The following STX8 variants were observed in gnomAD, a reference collection of about 807,000 sequenced individuals.
STX8 encodes syntaxin 8.
A neutral mutation model predicts 37.5 loss-of-function variants in STX8; 23 were observed. The observed-to-expected ratio is 0.61, with a 90% CI of 0.44 to 0.87. STX8 has a LOEUF of 0.87. Among genes scored for constraint, STX8 ranks in the 40% least tolerant of loss-of-function variants. The pLI, the probability that STX8 is intolerant of heterozygous loss-of-function variation, is 0.00. For synonymous variants in STX8, 115 were observed against 99.1 expected (o/e 1.16, Z -0.95); for missense variants, 313 against 284.7 (o/e 1.10, Z -0.71).
chr17:9,425,145 C>T (rs926979190), intron 6 of STX8, among the ~76,000 whole-genome samples: 3 of 152,146 alleles, frequency 2.0e-5, no homozygotes, highest in African/African-American at 7.2e-5. Context: ...AAATAATGAG[C>T]AAATCTGGCC....
At chr17:9,462,122 T>C (rs1347142672) in intron 6 of STX8, among the ~76,000 whole-genome samples, 2 of 152,128 alleles carry the variant, frequency 1.3e-5, no homozygotes. Context: ...TACTGGTCCA[T>C]GGCCAGGAGT....
intron 6 of STX8, among the ~76,000 whole-genome samples, chr17:9,446,058 G>C (rs547677054): frequency 6.6e-6 from 1 of 151,992 alleles, no homozygotes; most frequent in Non-Finnish European, 1.5e-5. Flanking sequence ...GGATGGTCTC[G>C]ATCTCCTGGC....
intron 6 of STX8, among the ~76,000 whole-genome samples, chr17:9,431,345 A>C (rs1255315290): frequency 6.6e-6 from 1 of 150,942 alleles, no homozygotes; most frequent in African/African-American, 2.4e-5. Flanking sequence ...CTGGGATTAC[A>C]GGTGTGAGCC....
At position 9,394,656 on chromosome 17, in the gene STX8, C is replaced by T. The variant is rs187977060; in HGVS notation, c.542-16003G>A. Among the ~76,000 whole-genome samples, 814 of 151,690 alleles carry T rather than the reference C, an allele frequency of 5.4e-3. 2 individuals carry two copies. The highest frequency in any genetic ancestry group is 0.015 in the South Asian group (70 of 4,794). On this transcript the variant is annotated intron_variant, in intron 6 of 7. Coordinates refer to ENST00000306357, the MANE Select transcript of STX8 (RefSeq NM_004853.3). The stretch of plus-strand genomic sequence containing the variant: ...CTGGGATTACAGGCGTGAGCCACCG[C>T]GCCTGGCCGAAAAGCTCATATTATT...
At chr17:9,274,751 CTTTTTTTT>C in intron 7 of STX8, among the ~76,000 whole-genome samples, 1 of 78,642 alleles carries the variant, frequency 1.3e-5, no homozygotes, top group African/African-American at 4.3e-5. Context: ...TTTCTTTTTT[CTTTTTTTT>C]TTTTTTTTTT....
At chr17:9,310,960 C>T (rs1025160769) in intron 7 of STX8, among the ~76,000 whole-genome samples, 6 of 151,962 alleles carry the variant, frequency 3.9e-5, no homozygotes, top group African/African-American at 1.2e-4. Context: ...AGGAGTCGGC[C>T]GGGTGCAATG....
At chr17:9,452,429 A>G (rs1030621620) in intron 6 of STX8, 1 of 152,222 alleles carries the variant, frequency 6.6e-6, no homozygotes. Context: ...TCCGAACACT[A>G]GTTCTTACTC....
intron 7 of STX8, among the ~76,000 whole-genome samples, chr17:9,350,502 T>C (rs1597619114): frequency 1.3e-5 from 2 of 152,102 alleles, no homozygotes; most frequent in East Asian, 3.9e-4. Context: ...ATGCGACATC[T>C]TGCTCACACT....
intron 6 of STX8, among the ~76,000 whole-genome samples, chr17:9,407,134 TGAA>T (rs1424519569): frequency 6.6e-6 from 1 of 152,186 alleles, no homozygotes; most frequent in Non-Finnish European, 1.5e-5. Context: ...GCTTCGGCAA[TGAA>T]GAAGCACTGG....
intron 2 of STX8, among the ~76,000 whole-genome samples, chr17:9,567,485 A>G (rs1184222464): frequency 1.3e-5 from 2 of 152,184 alleles, no homozygotes; most frequent in Non-Finnish European, 2.9e-5. Flanking sequence ...ATGCTTTTGG[A>G]AACTAGGATT....
chr17:9,265,412 T>G (rs758012433), intron 7 of STX8, among the ~76,000 whole-genome samples: 34 of 152,220 alleles, frequency 2.2e-4, no homozygotes, highest in Non-Finnish European at 3.8e-4. Flanking sequence ...CTGGGCACAC[T>G]GTGTATGGGC....
Position 9,420,493 on chromosome 17 carries a change from C to T in STX8, c.542-41840G>A, listed in dbSNP as rs141500581. 1.6e-3 allele frequency among the ~76,000 whole-genome samples: 236 copies of T among 152,196 alleles called. 2 individuals are homozygous for T. Among genetic ancestry groups the T allele is most frequent in the African/African-American group, 4.9e-3 (202 of 41,518 alleles). ...TCGCCTATCTGCTGCCACCGTGGCC[C>T]GCCCACAGCACTTTCCCGCATCTTC... On this transcript the variant is annotated intron_variant, in intron 6 of 7. Transcript: ENST00000306357.
chr17:9,444,667 A>G (rs989362120), intron 6 of STX8, among the ~76,000 whole-genome samples: 1 of 152,228 alleles, frequency 6.6e-6, no homozygotes, highest in African/African-American at 2.4e-5. Flanking sequence ...AAAGAAAAGC[A>G]AAATATATTT....
intron 7 of STX8, among the ~76,000 whole-genome samples, chr17:9,284,622 T>C (rs970711482): frequency 4.6e-5 from 7 of 152,192 alleles, no homozygotes; most frequent in African/African-American, 1.7e-4. Flanking sequence ...TGTATAAAGC[T>C]ACTCTTGTTT....
chr17:9,324,450 G>A (rs1259460979), intron 7 of STX8, among the ~76,000 whole-genome samples: 2 of 151,990 alleles, frequency 1.3e-5, no homozygotes, highest in Admixed American at 1.3e-4. Flanking sequence ...GTGATGGGGT[G>A]TAAAGAAAGG....
intron 6 of STX8, among the ~76,000 whole-genome samples, chr17:9,387,293 T>C (rs1476747168): frequency 6.6e-6 from 1 of 151,940 alleles, no homozygotes; most frequent in African/African-American, 2.4e-5. Context: ...TATGTAAAAG[T>C]GGGCTTTTTT....
chr17:9,565,475 G>GC (rs948199138), intron 2 of STX8, among the ~76,000 whole-genome samples: 2 of 151,900 alleles, frequency 1.3e-5, no homozygotes, highest in Non-Finnish European at 2.9e-5. Context: ...AATTAGCTGG[G>GC]CATGGTGGCA....
intron 6 of STX8, among the ~76,000 whole-genome samples, chr17:9,456,730 C>T (rs1905196491): frequency 6.6e-6 from 1 of 152,138 alleles, no homozygotes; most frequent in Non-Finnish European, 1.5e-5. Context: ...GAAAGTGCAC[C>T]TGCTGAAGTT....
chr17:9,545,252 G>T lies in STX8; in HGVS notation c.243C>A (p.Asn81Lys). Residue 81 changes from asparagine (N) to lysine (K), a missense_variant, in exon 4 of 8, where the codon AAC becomes AAA. Transcript: ENST00000306357. ...CTCGAGTTACAAGATCATCCAAGAG[G>T]TTCTGTCTTCGGTCCCCTTCAAGCT... Reference protein sequence around the residue: ...ITQLEGDRRQNLLDDLVTRER... With the variant: ...ITQLEGDRRQKLLDDLVTRER... The T allele has an allele frequency of 6.2e-7, 1 of 1,614,080 alleles. No individual in the cohort carries two copies. The highest frequency in any genetic ancestry group is 8.5e-7 in the Non-Finnish European group (1 of 1,179,992).
Sources: gnomAD v4.1 joint callset for allele counts (sites outside exome capture counted in the v4.1 genomes callset) on GRCh38, gnomAD v4.1.1 for gene constraint, MANE v1.5 for transcripts, NCBI Gene and HGNC (gene_info 2026-07-23, HGNC 2026-07-21) for gene names.